The following NSMCE2 variants were observed in gnomAD, a reference collection of about 807,000 sequenced individuals.
NSMCE2 encodes E3 SUMO-protein ligase NSE2.
NSMCE2 carries 24 observed loss-of-function variants against 23.8 expected under a neutral mutation model. That is an observed-to-expected ratio of 1.01 (90% CI 0.73 to 1.42). NSMCE2 has a LOEUF of 1.42. NSMCE2 is among the 40% of genes most tolerant of loss of function. The pLI is 0.00. For synonymous variants in NSMCE2, 92 were observed against 94.1 expected, an observed-to-expected ratio of 0.98 and a Z score of 0.13; for missense variants, 284 against 296.5, an observed-to-expected ratio of 0.96 and a Z score of 0.31.
intron 7 of NSMCE2, among the ~76,000 whole-genome samples, chr8:125,358,359 T>C (rs146918953): frequency 6.6e-6 from 1 of 151,684 alleles, no homozygotes; most frequent in Non-Finnish European, 1.5e-5. Flanking sequence ...TTAGGTAAAT[T>C]CATGGCTAAC....
At chr8:125,280,071 T>C (rs1827632105) in intron 5 of NSMCE2, among the ~76,000 whole-genome samples, 1 of 152,206 alleles carries the variant, frequency 6.6e-6, no homozygotes, top group African/African-American at 2.4e-5. Flanking sequence ...AACCAAATGT[T>C]GGAGGACTCA....
intron 5 of NSMCE2, among the ~76,000 whole-genome samples, chr8:125,347,480 G>A (rs1436727838): frequency 1.3e-5 from 2 of 152,128 alleles, no homozygotes; most frequent in Non-Finnish European, 2.9e-5. Context: ...ATTCATATCT[G>A]TCTCTCCTAC....
chr8:125,115,182 C>T (rs771982123), intron 3 of NSMCE2, among the ~76,000 whole-genome samples: 4 of 152,256 alleles, frequency 2.6e-5, no homozygotes, highest in East Asian at 3.9e-4. Flanking sequence ...GTAGAAGCCA[C>T]GGTAGGAATA....
At chr8:125,211,726 A>C (rs1266576464) in intron 5 of NSMCE2, among the ~76,000 whole-genome samples, 1 of 152,208 alleles carries the variant, frequency 6.6e-6, no homozygotes, top group Non-Finnish European at 1.5e-5. Flanking sequence ...CCCATTTTTC[A>C]CACACTTGCC....
intron 4 of NSMCE2, among the ~76,000 whole-genome samples, chr8:125,177,766 C>T (rs1822569216): frequency 6.6e-6 from 1 of 152,152 alleles, no homozygotes; most frequent in African/African-American, 2.4e-5. Context: ...TTTCTCTTTC[C>T]TTTCTTCTGT....
chr8:125,096,946 ATAAC>A (rs946030402), intron 1 of NSMCE2, among the ~76,000 whole-genome samples: 1 of 152,050 alleles, frequency 6.6e-6, no homozygotes, highest in African/African-American at 2.4e-5. Context: ...TGACTCCATT[ATAAC>A]TTTCTCATAT....
intron 5 of NSMCE2, among the ~76,000 whole-genome samples, chr8:125,286,528 G>T (rs1266871456): frequency 6.6e-6 from 1 of 151,858 alleles, no homozygotes; most frequent in East Asian, 1.9e-4. Flanking sequence ...GGCCAGGCTG[G>T]TCTCAAACTC....
chr8:125,148,683 T>C (rs138814011), intron 3 of NSMCE2, among the ~76,000 whole-genome samples: 1 of 152,246 alleles, frequency 6.6e-6, no homozygotes, highest in Non-Finnish European at 1.5e-5. Flanking sequence ...AGTTCCAGTA[T>C]CAGAATCTAA....
At chr8:125,246,133 T>C (rs895291714) in intron 5 of NSMCE2, among the ~76,000 whole-genome samples, 3 of 152,112 alleles carry the variant, frequency 2.0e-5, no homozygotes, top group African/African-American at 7.2e-5. Context: ...GACAATTCAG[T>C]TTTAACTCTG....
intron 5 of NSMCE2, among the ~76,000 whole-genome samples, chr8:125,298,687 G>GTTTTTTGTTTTTTT (rs1828425895): frequency 1.2e-5 from 1 of 85,954 alleles, no homozygotes; most frequent in Non-Finnish European, 2.2e-5. Flanking sequence ...TCATCTGTGG[G>GTTTTTTGTTTTTTT]TTTTTTTTTG....
chr8:125,112,490 G>A (rs967658986), intron 3 of NSMCE2, among the ~76,000 whole-genome samples: 2 of 152,098 alleles, frequency 1.3e-5, no homozygotes, highest in Non-Finnish European at 2.9e-5. Flanking sequence ...GCAAACCTGA[G>A]TGTCTATCAA....
intron 5 of NSMCE2, among the ~76,000 whole-genome samples, chr8:125,271,231 A>C (rs1194515569): frequency 6.6e-6 from 1 of 150,712 alleles, no homozygotes; most frequent in East Asian, 2.0e-4. Flanking sequence ...ATTGCACTGC[A>C]GACTGGGCGA....
At chr8:125,199,959 G>C (rs555049392) in intron 5 of NSMCE2, among the ~76,000 whole-genome samples, 2 of 152,124 alleles carry the variant, frequency 1.3e-5, no homozygotes, top group South Asian at 2.1e-4. Flanking sequence ...GATCTTTGTT[G>C]GTTTAAAGTC....
intron 5 of NSMCE2, among the ~76,000 whole-genome samples, chr8:125,301,259 G>A (rs757766526): frequency 1.1e-4 from 17 of 152,100 alleles, no homozygotes; most frequent in South Asian, 4.1e-4. Flanking sequence ...GCATCCAGAA[G>A]GGGTTGAAAA....
intron 4 of NSMCE2, among the ~76,000 whole-genome samples, chr8:125,177,419 C>G (rs150007877): frequency 2.0e-5 from 3 of 152,204 alleles, no homozygotes; most frequent in Non-Finnish European, 2.9e-5. Context: ...TTCCCATGAT[C>G]TGCTTCTCAT....
chr8:125,226,636 C>T (rs1825108996), intron 5 of NSMCE2, among the ~76,000 whole-genome samples: 1 of 152,068 alleles, frequency 6.6e-6, no homozygotes, highest in Non-Finnish European at 1.5e-5. Flanking sequence ...CGAAACGCCA[C>T]TTGTCTGAGA....
chr8:125,134,005 T>G (rs1036936263), intron 3 of NSMCE2, among the ~76,000 whole-genome samples: 1 of 152,182 alleles, frequency 6.6e-6, no homozygotes, highest in Non-Finnish European at 1.5e-5. Context: ...GAATTTGCAT[T>G]TCTAACAAGT....
At chr8:125,271,260 CAAAAAAA>C (rs35443773) in intron 5 of NSMCE2, among the ~76,000 whole-genome samples, 12 of 126,850 alleles carry the variant, frequency 9.5e-5, no homozygotes, top group Non-Finnish European at 1.5e-4. Flanking sequence ...GACTCCATCT[CAAAAAAA>C]AAAAAAAAGT....
intron 5 of NSMCE2, among the ~76,000 whole-genome samples, chr8:125,318,634 C>T (rs1248445890): frequency 6.6e-6 from 1 of 151,968 alleles, no homozygotes; most frequent in Non-Finnish European, 1.5e-5. Context: ...GATTAAATAA[C>T]AGGTACCACA....
Sources: allele counts gnomAD v4.1 joint callset (sites outside exome capture counted in the v4.1 genomes callset), GRCh38; gene constraint gnomAD v4.1.1; transcripts MANE v1.5; gene names NCBI Gene and HGNC (gene_info 2026-07-23, HGNC 2026-07-21).